The following FAF1 variants were observed in gnomAD, a reference collection of about 807,000 sequenced individuals.
FAF1 encodes the protein Fas associated factor 1.
In FAF1, 25 loss-of-function variants were observed where a neutral mutation model predicts 92.5. The observed-to-expected ratio is 0.27, with a 90% CI of 0.20 to 0.38. The LOEUF is 0.38. Ranked by LOEUF, FAF1 falls within the 10% of genes least tolerant of loss-of-function variation. The pLI, the probability that FAF1 is intolerant of heterozygous loss-of-function variation, is 1.00. For synonymous variants in FAF1, 234 were observed against 273.2 expected (o/e 0.86, Z 1.42); for missense variants, 636 against 793.3 (o/e 0.80, Z 2.38).
chr1:50,588,761 T>C (rs556893524), intron 9 of FAF1, among the ~76,000 whole-genome samples: 1 of 152,224 alleles, frequency 6.6e-6, no homozygotes, highest in African/African-American at 2.4e-5. Flanking sequence ...TGTGCCTCTG[T>C]GTCCAGCAAC....
At chr1:50,781,443 A>T (rs957669378) in intron 4 of FAF1, among the ~76,000 whole-genome samples, 4 of 152,236 alleles carry the variant, frequency 2.6e-5, no homozygotes, top group Non-Finnish European at 5.9e-5. Context: ...AAAATGGTCA[A>T]TTCACCAGGA....
At chr1:50,499,018 A>T (rs1038106118) in intron 15 of FAF1, among the ~76,000 whole-genome samples, 1 of 152,208 alleles carries the variant, frequency 6.6e-6, no homozygotes, top group Non-Finnish European at 1.5e-5. Flanking sequence ...TATGGTATAT[A>T]CCTACAGTGG....
chr1:50,441,318 G>A lies in FAF1; in HGVS notation c.*122C>T, dbSNP rs1646163970. ...ATTACTTTTTCCAGCAATTTTGCAAGAGGCAGAAGTGTGACATTGAATTGA... is the reference window on the plus strand; with the variant it reads ...ATTACTTTTTCCAGCAATTTTGCAAAAGGCAGAAGTGTGACATTGAATTGA... On this transcript the variant is annotated 3_prime_UTR_variant, in exon 19 of 19. Coordinates refer to ENST00000396153, the MANE Select transcript of FAF1 (RefSeq NM_007051.3). The A allele has an allele frequency of 3.7e-6, 2 of 535,728 alleles. No individual in the cohort carries two copies. Among genetic ancestry groups the A allele is most frequent in the Non-Finnish European group, 6.7e-6 (2 of 299,846 alleles). The allele number at this position is 535,728 out of a possible 1,614,324, so 33.2% of individuals were successfully genotyped here. A position where few individuals can be genotyped will look rare whatever the true frequency, so the allele number is the denominator to read the frequency against.
intron 8 of FAF1, among the ~76,000 whole-genome samples, chr1:50,653,303 C>T (rs939084530): frequency 6.6e-5 from 10 of 152,090 alleles, no homozygotes; most frequent in Non-Finnish European, 1.3e-4. Flanking sequence ...ATTTAAGCAC[C>T]TAAACCTAAA....
chr1:50,875,717 C>T (rs1243462914), intron 1 of FAF1, among the ~76,000 whole-genome samples: 2 of 152,188 alleles, frequency 1.3e-5, no homozygotes, highest in Non-Finnish European at 2.9e-5. Context: ...TTCCAAAGTG[C>T]TGGGATTACA....
intron 6 of FAF1, among the ~76,000 whole-genome samples, chr1:50,722,219 G>A (rs928290251): frequency 1.3e-5 from 2 of 152,128 alleles, no homozygotes; most frequent in Non-Finnish European, 2.9e-5. Context: ...ACTGTTTCTA[G>A]TTTACTTCAT....
At chr1:50,671,996 C>T (rs577486780) in intron 7 of FAF1, among the ~76,000 whole-genome samples, 94 of 148,088 alleles carry the variant, frequency 6.3e-4, no homozygotes, top group Non-Finnish European at 1.1e-3. Context: ...AAAGGTCTCA[C>T]TATGTTGTCC....
At chr1:50,793,823 G>C (rs572032184) in intron 3 of FAF1, among the ~76,000 whole-genome samples, 1 of 152,224 alleles carries the variant, frequency 6.6e-6, no homozygotes, top group South Asian at 2.1e-4. Context: ...ACATAGATTG[G>C]TCCTGAATTG....
chr1:50,842,643 C>T (rs1217063986), intron 2 of FAF1, among the ~76,000 whole-genome samples: 1 of 152,044 alleles, frequency 6.6e-6, no homozygotes, highest in African/African-American at 2.4e-5. Context: ...CACATTTGCT[C>T]TCACCTCAGG....
rs561264956 is a variant in FAF1 at position 50,520,193 on chromosome 1, A to G, written c.1494+15176T>C. Among the ~76,000 whole-genome samples, 4 of 152,274 alleles carry G rather than the reference A, an allele frequency of 2.6e-5. No homozygotes were observed. In the South Asian group the frequency reaches 8.3e-4, roughly 32 times the overall value. On this transcript the variant is annotated intron_variant, in intron 15 of 18. Coordinates refer to ENST00000396153, the MANE Select transcript of FAF1 (RefSeq NM_007051.3). ...TTGCCATTGCTGTTTTTCATACCAT[A>G]TTGCAAGTACCTGTTTCCTGGGATG... is the stretch of plus-strand genomic sequence containing the variant.
rs1457539803 is a variant in FAF1 at position 50,448,021 on chromosome 1, G to A, written c.1870-6498C>T. On this transcript the variant is annotated intron_variant, in intron 18 of 18. Coordinates refer to ENST00000396153, the MANE Select transcript of FAF1 (RefSeq NM_007051.3). The stretch of plus-strand genomic sequence containing the variant: ...AGAAGTGTGAGGGCGAGTCAGTGGA[G>A]TAAACTGGATTGCAGTTAAGCTTTG... Among the ~76,000 whole-genome samples the A allele has an allele frequency of 2.0e-5, 3 of 152,334 alleles. No individual in the cohort carries two copies. In the East Asian group the frequency reaches 5.8e-4, roughly 29 times the overall value.
intron 4 of FAF1, among the ~76,000 whole-genome samples, chr1:50,746,306 T>A (rs1386477451): frequency 1.9e-5 from 2 of 102,982 alleles, no homozygotes; most frequent in African/African-American, 8.5e-5. Context: ...TTTTTTTTTT[T>A]TTTTTTTTTT....
intron 1 of FAF1, among the ~76,000 whole-genome samples, chr1:50,907,125 C>T (rs1262497479): frequency 6.6e-6 from 1 of 152,194 alleles, no homozygotes; most frequent in African/African-American, 2.4e-5. Context: ...TTTACTGCAT[C>T]TACTGAGATA....
chr1:50,821,676 T>C (rs1644044272), intron 2 of FAF1, among the ~76,000 whole-genome samples: 1 of 152,194 alleles, frequency 6.6e-6, no homozygotes. Context: ...TGGATAACAA[T>C]ACCTGTTTAT....
At chr1:50,790,111 T>C (rs1661508263) in intron 3 of FAF1, among the ~76,000 whole-genome samples, 1 of 152,186 alleles carries the variant, frequency 6.6e-6, no homozygotes, top group Non-Finnish European at 1.5e-5. Flanking sequence ...TCCACTGGAA[T>C]ATAAGTACCA....
chr1:50,843,756 T>C (rs935284948), intron 2 of FAF1, among the ~76,000 whole-genome samples: 2 of 152,094 alleles, frequency 1.3e-5, no homozygotes, highest in African/African-American at 4.8e-5. Flanking sequence ...TGTGTGTGTA[T>C]TGCATTTTCT....
At chr1:50,598,020 G>T (rs978516473) in intron 8 of FAF1, among the ~76,000 whole-genome samples, 1 of 152,122 alleles carries the variant, frequency 6.6e-6, no homozygotes, top group Non-Finnish European at 1.5e-5. Context: ...CTGGCTGGGC[G>T]TGGTGGCTCA....
chr1:50,764,583 G>A (rs1028543973), intron 4 of FAF1, among the ~76,000 whole-genome samples: 3 of 152,120 alleles, frequency 2.0e-5, no homozygotes, highest in African/African-American at 7.2e-5. Flanking sequence ...GCAGAAATCA[G>A]GGGCATCTAC....
intron 1 of FAF1, among the ~76,000 whole-genome samples, chr1:50,906,199 T>C (rs891565135): frequency 3.3e-5 from 5 of 152,144 alleles, no homozygotes; most frequent in Admixed American, 2.0e-4. Flanking sequence ...AGATGTGTGG[T>C]ATTATTTCTG....
Sources: gnomAD v4.1 joint callset for allele counts (sites outside exome capture counted in the v4.1 genomes callset) on GRCh38, gnomAD v4.1.1 for gene constraint, MANE v1.5 for transcripts, NCBI Gene and HGNC (gene_info 2026-07-23, HGNC 2026-07-21) for gene names.